SLC44A5: variants seen among roughly 807,000 people sequenced by gnomAD.
The protein encoded by SLC44A5 is solute carrier family 44 member 5.
A neutral mutation model predicts 101.8 loss-of-function variants in SLC44A5; 57 were observed. The observed-to-expected ratio is 0.56, with a 90% CI of 0.45 to 0.70. The LOEUF is 0.70. SLC44A5 is among the 30% of genes least tolerant of loss of function. The pLI is 0.00. For synonymous variants in SLC44A5, 281 were observed against 290.9 expected (o/e 0.97, Z 0.35); for missense variants, 737 against 853.1 (o/e 0.86, Z 1.70).
chr1:75,679,642 C>A, the SLC44A5 span, among the ~76,000 whole-genome samples: 1 of 152,160 alleles, frequency 6.6e-6, no homozygotes, highest in African/African-American at 2.4e-5. Flanking sequence ...CAACTGGTAC[C>A]AGCCGCTGCA....
At chr1:75,685,619 C>A in the SLC44A5 span, among the ~76,000 whole-genome samples, 1 of 152,186 alleles carries the variant, frequency 6.6e-6, no homozygotes, top group African/African-American at 2.4e-5. Flanking sequence ...TTCAACAAGT[C>A]TCTAGGCAGT....
At position 75,213,901 on chromosome 1, in the gene SLC44A5, T is replaced by C. The variant is rs1241135648; in HGVS notation, c.1873+18A>G. ...CTTTTAAACTTTTTTTTTTATTATT[T>C]TCATCATGATTACTTACCTATACTT... is the stretch of plus-strand genomic sequence containing the variant. On this transcript the variant is annotated intron_variant, in intron 21 of 23. Coordinates refer to ENST00000370859, the MANE Select transcript of SLC44A5 (RefSeq NM_001130058.2). The C allele has an allele frequency of 1.4e-5, 21 of 1,552,804 alleles. No individual in the cohort carries two copies. The highest frequency in any genetic ancestry group is 1.8e-5 in the Non-Finnish European group (21 of 1,140,066).
chr1:75,591,963 A>G (rs1217271677), intron 1 of SLC44A5, among the ~76,000 whole-genome samples: 1 of 152,162 alleles, frequency 6.6e-6, no homozygotes, highest in Non-Finnish European at 1.5e-5. Flanking sequence ...CCTCTAAGAT[A>G]TGGGACATGA....
At chr1:75,418,938 T>C (rs1478967216) in intron 2 of SLC44A5, among the ~76,000 whole-genome samples, 1 of 152,016 alleles carries the variant, frequency 6.6e-6, no homozygotes, top group African/African-American at 2.4e-5. Flanking sequence ...CTGTAATGCC[T>C]AAGGGAAGGG....
chr1:75,668,507 T>C, the SLC44A5 span, among the ~76,000 whole-genome samples: 3 of 149,598 alleles, frequency 2.0e-5, no homozygotes, highest in Non-Finnish European at 3.0e-5. Flanking sequence ...TGAGAAGGAG[T>C]TTCACCATGT....
chr1:75,316,368 C>T (rs1274212870), intron 4 of SLC44A5, among the ~76,000 whole-genome samples: 2 of 152,140 alleles, frequency 1.3e-5, no homozygotes, highest in Non-Finnish European at 2.9e-5. Context: ...GTTAAAACAT[C>T]ATCAACACCC....
chr1:75,367,021 T>C lies in SLC44A5; in HGVS notation c.53-27391A>G, dbSNP rs554310365. Among the ~76,000 whole-genome samples, 3 of 152,366 alleles carry C rather than the reference T, an allele frequency of 2.0e-5. No individual in the cohort carries two copies. In the East Asian group the frequency reaches 5.8e-4, roughly 29 times the overall value. On this transcript the variant is annotated intron_variant, in intron 3 of 23. Coordinates refer to ENST00000370859, the MANE Select transcript of SLC44A5 (RefSeq NM_001130058.2). Reference sequence around the variant, plus strand: ...TTTGAATTCTTTGTCAGATAATTTGTAGATCATCATTTCTTTGATGTCAGT... The same window carrying C: ...TTTGAATTCTTTGTCAGATAATTTGCAGATCATCATTTCTTTGATGTCAGT...
At chr1:75,668,406 C>CCT in the SLC44A5 span, among the ~76,000 whole-genome samples, 1 of 139,150 alleles carries the variant, frequency 7.2e-6, no homozygotes, top group South Asian at 2.4e-4. Flanking sequence ...TCACATGCAA[C>CCT]CTCGACCTCC....
intron 2 of SLC44A5, among the ~76,000 whole-genome samples, chr1:75,413,035 C>A (rs557458660): frequency 5.3e-5 from 8 of 152,124 alleles, no homozygotes; most frequent in Non-Finnish European, 1.0e-4. Context: ...CACACCATCA[C>A]AAGAAGAAGG....
the SLC44A5 span, among the ~76,000 whole-genome samples, chr1:75,622,112 G>A: frequency 1.3e-5 from 2 of 152,060 alleles, no homozygotes; most frequent in Non-Finnish European, 2.9e-5. Flanking sequence ...TTATCACATT[G>A]ATGATCCTTA....
At chr1:75,359,713 T>A (rs1221670171) in intron 3 of SLC44A5, among the ~76,000 whole-genome samples, 1 of 152,176 alleles carries the variant, frequency 6.6e-6, no homozygotes, top group Admixed American at 6.5e-5. Flanking sequence ...GATCATGTGG[T>A]AATTCTATTT....
At chr1:75,420,215 T>A (rs990401596) in intron 2 of SLC44A5, among the ~76,000 whole-genome samples, 1 of 152,112 alleles carries the variant, frequency 6.6e-6, no homozygotes, top group Non-Finnish European at 1.5e-5. Context: ...CCTCCAGAAC[T>A]GTGAGAACTA....
intron 4 of SLC44A5, among the ~76,000 whole-genome samples, chr1:75,321,476 G>A (rs1656142220): frequency 6.6e-6 from 1 of 151,028 alleles, no homozygotes; most frequent in Non-Finnish European, 1.5e-5. Context: ...GAGAGAGAGA[G>A]AGAGATCATC....
Position 75,538,728 on chromosome 1 carries a change from T to G in SLC44A5, c.13+2707A>C, listed in dbSNP as rs1671189086. Among the ~76,000 whole-genome samples, 5 of 152,236 alleles carry G rather than the reference T, an allele frequency of 3.3e-5. No homozygotes were observed. In the South Asian group the frequency reaches 1.0e-3, roughly 31 times the overall value. The stretch of plus-strand genomic sequence containing the variant: ...TCTGTTGGCTTTGTTACTAGCACAC[T>G]AATTTGGAAACAAAATTCACATCGG... On this transcript the variant is annotated intron_variant, in intron 2 of 23. Coordinates refer to ENST00000370859, the MANE Select transcript of SLC44A5 (RefSeq NM_001130058.2).
intron 4 of SLC44A5, among the ~76,000 whole-genome samples, chr1:75,318,224 A>G (rs905966246): frequency 1.3e-5 from 2 of 152,046 alleles, no homozygotes; most frequent in African/African-American, 4.8e-5. Flanking sequence ...CACAAATAAA[A>G]ACATTAGTCA....
chr1:75,363,347 TTTGG>T (rs371205503), intron 3 of SLC44A5, among the ~76,000 whole-genome samples: 131 of 152,180 alleles, frequency 8.6e-4, no homozygotes, highest in African/African-American at 3.0e-3. Flanking sequence ...TAAAGTTATT[TTTGG>T]TTGTTTTGTA....
intron 3 of SLC44A5, among the ~76,000 whole-genome samples, chr1:75,395,881 G>C (rs1422675562): frequency 6.6e-6 from 1 of 152,074 alleles, no homozygotes; most frequent in Non-Finnish European, 1.5e-5. Context: ...TTTGAAGATT[G>C]GGGATCCAAG....
intron 2 of SLC44A5, among the ~76,000 whole-genome samples, chr1:75,537,574 C>T (rs1671125298): frequency 6.6e-6 from 1 of 152,208 alleles, no homozygotes; most frequent in Non-Finnish European, 1.5e-5. Context: ...CAGCCTATGG[C>T]CAAGGACAAC....
chr1:75,408,343 C>G (rs1011155524), intron 2 of SLC44A5, among the ~76,000 whole-genome samples: 6 of 152,142 alleles, frequency 3.9e-5, no homozygotes, highest in Admixed American at 2.6e-4. Context: ...ACCAATTTGA[C>G]CCAGCAATCC....
Sources: gnomAD v4.1 joint callset for allele counts (sites outside exome capture counted in the v4.1 genomes callset) on GRCh38, gnomAD v4.1.1 for gene constraint, MANE v1.5 for transcripts, NCBI Gene and HGNC (gene_info 2026-07-23, HGNC 2026-07-21) for gene names.